Variants in COG5 observed in about 807,000 individuals in gnomAD.
COG5 encodes conserved oligomeric Golgi complex subunit 5.
In COG5, 86 loss-of-function variants were observed where a neutral mutation model predicts 110.4. That is an observed-to-expected ratio of 0.78 (90% CI 0.65 to 0.93). COG5 has a LOEUF of 0.93. Among genes scored for constraint, COG5 ranks in the 40% least tolerant of loss-of-function variants. COG5 has a pLI of 0.00. For synonymous variants in COG5, 360 were observed against 334.6 expected, an observed-to-expected ratio of 1.08 and a Z score of -0.83; for missense variants, 1,077 against 987.0, an observed-to-expected ratio of 1.09 and a Z score of -1.22.
intron 10 of COG5, among the ~76,000 whole-genome samples, chr7:107,358,499 T>C (rs1812821455): frequency 1.3e-5 from 2 of 152,198 alleles, no homozygotes; most frequent in Admixed American, 1.3e-4. Flanking sequence ...GATATAAATA[T>C]ACGTGCACAA....
rs974456490 is a variant in COG5 at position 107,295,686 on chromosome 7, C to T, written c.1313+2456G>A. ...TCCTATATCTCGTTTTCCTCACCAA[C>T]CACATTACTGAATTCATCTCCAAAA... On this transcript the variant is annotated intron_variant, in intron 12 of 21. Coordinates refer to ENST00000297135, the MANE Select transcript of COG5 (RefSeq NM_006348.5). Among the ~76,000 whole-genome samples, 4 of 152,272 alleles carry T rather than the reference C, an allele frequency of 2.6e-5. No individual in the cohort carries two copies. The South Asian group carries it at 8.3e-4, about 32-fold the overall frequency.
intron 10 of COG5, among the ~76,000 whole-genome samples, chr7:107,338,696 G>A (rs1456562984): frequency 6.6e-6 from 1 of 151,638 alleles, no homozygotes; most frequent in Non-Finnish European, 1.5e-5. Context: ...CTACAGAATG[G>A]GATAAAATAT....
chr7:107,224,097 A>C (rs1800148589), intron 19 of COG5, among the ~76,000 whole-genome samples: 1 of 152,236 alleles, frequency 6.6e-6, no homozygotes, highest in African/African-American at 2.4e-5. Flanking sequence ...TCTGAAACTT[A>C]GAATTAAGAA....
At chr7:107,361,527 C>G (rs1813114422) in intron 10 of COG5, among the ~76,000 whole-genome samples, 1 of 152,102 alleles carries the variant, frequency 6.6e-6, no homozygotes, top group Non-Finnish European at 1.5e-5. Flanking sequence ...TTGCTGGCAG[C>G]TACTCCATAA....
chr7:107,389,958 G>C (rs931603682), intron 7 of COG5, among the ~76,000 whole-genome samples: 5 of 152,098 alleles, frequency 3.3e-5, no homozygotes, highest in African/African-American at 1.2e-4. Flanking sequence ...TTTTCCTTAA[G>C]GGAACCAATA....
At chr7:107,434,760 G>A (rs1794252757) in intron 6 of COG5, among the ~76,000 whole-genome samples, 1 of 152,098 alleles carries the variant, frequency 6.6e-6, no homozygotes, top group African/African-American at 2.4e-5. Flanking sequence ...CACTAGGTCA[G>A]GAGATCAAGA....
chr7:107,256,922 A>G lies in COG5; in HGVS notation c.1687-128T>C, dbSNP rs1442916776. The stretch of plus-strand genomic sequence containing the variant: ...ACAATATTATCATTGCTTTACAGTA[A>G]TATCTTATACATGATTTTAAAAATC... On this transcript the variant is annotated intron_variant, in intron 15 of 21. Coordinates refer to ENST00000297135, the MANE Select transcript of COG5 (RefSeq NM_006348.5). 4 of 689,448 alleles carry G rather than the reference A, an allele frequency of 5.8e-6. No homozygotes were observed. The East Asian group carries it at 1.1e-4, about 19-fold the overall frequency. The allele number at this position is 689,448 out of a possible 1,614,324, so 42.7% of individuals were successfully genotyped here. A position where few individuals can be genotyped will look rare whatever the true frequency, so the allele number is the denominator to read the frequency against.
At chr7:107,358,044 TTA>T (rs1812780241) in intron 10 of COG5, among the ~76,000 whole-genome samples, 2 of 152,306 alleles carry the variant, frequency 1.3e-5, no homozygotes, top group East Asian at 1.9e-4. Flanking sequence ...TATCAAGAAT[TTA>T]TATGTGTTTT....
chr7:107,295,070 T>C (rs868331313), intron 12 of COG5, among the ~76,000 whole-genome samples: 5,130 of 40,174 alleles, frequency 0.13, 216 homozygotes, highest in African/African-American at 0.3. Context: ...CACACACATA[T>C]ATATATATAT....
At chr7:107,482,192 G>T (rs974326121) in intron 6 of COG5, among the ~76,000 whole-genome samples, 4 of 151,404 alleles carry the variant, frequency 2.6e-5, no homozygotes, top group Non-Finnish European at 5.9e-5. Context: ...CCCAGGTTGG[G>T]GTGCAGTGGT....
intron 19 of COG5, among the ~76,000 whole-genome samples, chr7:107,229,058 T>C (rs1410977441): frequency 6.6e-6 from 1 of 152,156 alleles, no homozygotes; most frequent in Non-Finnish European, 1.5e-5. Context: ...TTGGATATTA[T>C]GGACAGTTTA....
At position 107,201,408 on chromosome 7, in the gene COG5, C is replaced by A; in HGVS notation, c.*2108G>T. On this transcript the variant is annotated 3_prime_UTR_variant, in exon 22 of 22. Coordinates refer to ENST00000297135, the MANE Select transcript of COG5 (RefSeq NM_006348.5). ...ACATTCACTGAGTTTAATTTTATTT[C>A]CACAGGGCTCACAACAACATTAAAC... 1 of 1,563,808 alleles carries A rather than the reference C, an allele frequency of 6.4e-7. No individual in the cohort carries two copies. Among genetic ancestry groups the A allele is most frequent in the Non-Finnish European group, 8.8e-7 (1 of 1,135,776 alleles).
At chr7:107,255,237 T>C (rs1469938926) in intron 16 of COG5, among the ~76,000 whole-genome samples, 1 of 152,162 alleles carries the variant, frequency 6.6e-6, no homozygotes, top group Admixed American at 6.6e-5. Context: ...GATTTTATGA[T>C]CATTGATACA....
At chr7:107,308,896 C>T (rs1389398506) in intron 11 of COG5, among the ~76,000 whole-genome samples, 3 of 144,540 alleles carry the variant, frequency 2.1e-5, no homozygotes. Flanking sequence ...CAATACAACC[C>T]CAGTAGTCTC....
chr7:107,541,513 A>T (rs1195492903), intron 5 of COG5, among the ~76,000 whole-genome samples: 8 of 98,112 alleles, frequency 8.2e-5, no homozygotes, highest in Admixed American at 2.1e-4. Context: ...AAAAAAAAAA[A>T]AAAAAAAAAA....
At chr7:107,281,027 T>C (rs1031711622) in intron 14 of COG5, among the ~76,000 whole-genome samples, 28 of 151,792 alleles carry the variant, frequency 1.8e-4, no homozygotes, top group Non-Finnish European at 3.5e-4. Flanking sequence ...TAAAAATATA[T>C]AATTAGGCCA....
chr7:107,206,024 A>C (rs1286141661), intron 21 of COG5, among the ~76,000 whole-genome samples: 2 of 150,800 alleles, frequency 1.3e-5, no homozygotes, highest in Non-Finnish European at 2.9e-5. Context: ...GCAGTGCCGC[A>C]ATCTTGGCTC....
intron 10 of COG5, among the ~76,000 whole-genome samples, chr7:107,337,924 T>C (rs1810844600): frequency 1.3e-5 from 2 of 151,962 alleles, no homozygotes; most frequent in Admixed American, 6.6e-5. Context: ...TGTACAGAAA[T>C]TATGTATCAA....
At chr7:107,230,724 T>A (rs2116404193) in intron 18 of COG5, 33 bp from the exon 19 acceptor site, 2 of 1,503,198 alleles carry the variant, frequency 1.3e-6, no homozygotes, top group Non-Finnish European at 1.9e-6. Context: ...ATTGTTGTAA[T>A]GTCAGAATCA....
Sources: gnomAD v4.1 joint callset for allele counts (sites outside exome capture counted in the v4.1 genomes callset) on GRCh38, gnomAD v4.1.1 for gene constraint, MANE v1.5 for transcripts, NCBI Gene and HGNC (gene_info 2026-07-23, HGNC 2026-07-21) for gene names.